OCA2: variants seen among roughly 807,000 people sequenced by gnomAD.
OCA2 encodes OCA2 melanosomal transmembrane protein, also known as P protein.
OCA2 carries 77 observed loss-of-function variants against 100.2 expected under a neutral mutation model. The observed-to-expected ratio is 0.77, with a 90% confidence interval of 0.64 to 0.93. OCA2 has a LOEUF of 0.93. Ranked by LOEUF, OCA2 falls within the 40% of genes least tolerant of loss-of-function variation. The pLI, the probability that OCA2 is intolerant of heterozygous loss-of-function variation, is 0.00. For missense variants in OCA2, 1,062 were observed against 1,089.1 expected (o/e 0.98, Z 0.35); for synonymous variants, 432 against 439.2 (o/e 0.98, Z 0.21).
At chr15:28,002,277 C>T (rs955822886) in intron 9 of OCA2, among the ~76,000 whole-genome samples, 3 of 152,144 alleles carry the variant, frequency 2.0e-5, no homozygotes, top group African/African-American at 4.8e-5. Flanking sequence ...TGAGCTGAGG[C>T]TGGAACAGAG....
rs947918812 is a variant in OCA2 at position 27,965,558 on chromosome 15, C to T, written c.1636+1132G>A. 3.9e-5 allele frequency among the ~76,000 whole-genome samples: 6 copies of T among 152,292 alleles called. No homozygotes were observed. In the East Asian group the frequency reaches 7.7e-4, roughly 20 times the overall value. Reference sequence around the variant, plus strand: ...GAACTGGAGTATGGCAGGACCATGTCGTGGCCTCCAGCCACCCATGTGGAA... The same window carrying T: ...GAACTGGAGTATGGCAGGACCATGTTGTGGCCTCCAGCCACCCATGTGGAA... On this transcript the variant is annotated intron_variant, in intron 15 of 23. Transcript: ENST00000354638.
chr15:27,936,235 G>A (rs960157631), intron 18 of OCA2, among the ~76,000 whole-genome samples: 1 of 151,674 alleles, frequency 6.6e-6, no homozygotes. Flanking sequence ...CTTCCTTGTG[G>A]GGAGCACCCA....
intron 9 of OCA2, among the ~76,000 whole-genome samples, chr15:28,012,385 A>C (rs1252481998): frequency 1.3e-5 from 2 of 152,044 alleles, no homozygotes; most frequent in African/African-American, 4.8e-5. Context: ...GATGGGCTGC[A>C]TGGGGAGGCA....
intron 17 of OCA2, among the ~76,000 whole-genome samples, chr15:27,952,762 T>G (rs1304739830): frequency 1.3e-5 from 2 of 152,098 alleles, no homozygotes; most frequent in East Asian, 3.9e-4. Flanking sequence ...CAACGCAACC[T>G]CCGCCTCCCA....
chr15:27,907,751 C>T (rs1159397603), intron 19 of OCA2, among the ~76,000 whole-genome samples: 1 of 152,132 alleles, frequency 6.6e-6, no homozygotes, highest in African/African-American at 2.4e-5. Context: ...AAATTTTAAA[C>T]CCTAGGTGAA....
At chr15:27,755,966 G>A (rs1240854602) in intron 23 of OCA2, among the ~76,000 whole-genome samples, 1 of 152,192 alleles carries the variant, frequency 6.6e-6, no homozygotes, top group Non-Finnish European at 1.5e-5. Context: ...AAAGGCAAAG[G>A]GAAGAAGAAG....
chr15:27,844,647 T>C (rs767654992), intron 23 of OCA2, among the ~76,000 whole-genome samples: 1 of 152,160 alleles, frequency 6.6e-6, no homozygotes, highest in African/African-American at 2.4e-5. Flanking sequence ...TACAGGTACA[T>C]GCTGCCATGC....
At chr15:27,826,351 C>A (rs2034721393) in intron 23 of OCA2, among the ~76,000 whole-genome samples, 1 of 149,742 alleles carries the variant, frequency 6.7e-6, no homozygotes, top group African/African-American at 2.4e-5. Flanking sequence ...AAGGAACTTC[C>A]CACACACACA....
the OCA2 span, among the ~76,000 whole-genome samples, chr15:27,739,634 C>T: frequency 2.0e-5 from 3 of 151,784 alleles, no homozygotes; most frequent in Non-Finnish European, 2.9e-5. Context: ...TTAGTAGAGA[C>T]GGGGTTTCAC....
At chr15:27,784,541 T>C (rs1281029677) in intron 23 of OCA2, among the ~76,000 whole-genome samples, 1 of 152,194 alleles carries the variant, frequency 6.6e-6, no homozygotes, top group African/African-American at 2.4e-5. Context: ...TATGACACTT[T>C]CAGATCAGAA....
the OCA2 span, among the ~76,000 whole-genome samples, chr15:27,720,792 T>TGCACAATAGA: frequency 6.6e-6 from 1 of 152,170 alleles, no homozygotes; most frequent in Non-Finnish European, 1.5e-5. Flanking sequence ...TACATGAGTT[T>TGCACAATAGA]ATTATACAGC....
chr15:27,814,941 T>G (rs57950971), intron 23 of OCA2, among the ~76,000 whole-genome samples: 5 of 85,572 alleles, frequency 5.8e-5, no homozygotes, highest in East Asian at 2.8e-4. Flanking sequence ...GATAGATAGA[T>G]AGATACAGAG....
In OCA2 at chr15:27,927,233, G is replaced by A. The variant is rs1402797015; in HGVS notation, c.1952-979C>T. On this transcript the variant is annotated intron_variant, in intron 18 of 23. Coordinates refer to ENST00000354638, the MANE Select transcript of OCA2 (RefSeq NM_000275.3). Reference sequence around the variant, plus strand: ...GAACCTGGGAGGCAGAGGTTGTGGTGAGCCGAGATCACGCCATTGCACTCC... The same window carrying A: ...GAACCTGGGAGGCAGAGGTTGTGGTAAGCCGAGATCACGCCATTGCACTCC... 3.3e-5 allele frequency among the ~76,000 whole-genome samples: 5 copies of A among 152,166 alleles called. No homozygotes were observed. The East Asian group carries it at 9.7e-4, about 29-fold the overall frequency.
chr15:28,096,327 T>C (rs993290492), intron 1 of OCA2, among the ~76,000 whole-genome samples: 4 of 152,110 alleles, frequency 2.6e-5, no homozygotes, highest in African/African-American at 7.2e-5. Context: ...GGGGCGTGGC[T>C]TTTCGTTGGA....
At chr15:28,042,345 G>A (rs1167839079) in intron 2 of OCA2, among the ~76,000 whole-genome samples, 1 of 151,930 alleles carries the variant, frequency 6.6e-6, no homozygotes, top group Non-Finnish European at 1.5e-5. Flanking sequence ...AATGCCTTCG[G>A]GCCAGGTGCG....
At chr15:27,887,511 G>A (rs2037274754) in intron 19 of OCA2, among the ~76,000 whole-genome samples, 1 of 151,394 alleles carries the variant, frequency 6.6e-6, no homozygotes, top group South Asian at 2.1e-4. Flanking sequence ...AACCTGAGGA[G>A]GGACCCCACT....
intron 9 of OCA2, 85 bp downstream of exon 9, chr15:28,014,691 C>G: frequency 6.8e-7 from 1 of 1,467,176 alleles, no homozygotes; most frequent in Non-Finnish European, 9.3e-7. Context: ...GGAGTCAGGA[C>G]TGAGCCCATC....
intron 19 of OCA2, among the ~76,000 whole-genome samples, chr15:27,909,744 GA>G (rs924811974): frequency 6.6e-6 from 1 of 151,956 alleles, no homozygotes; most frequent in Non-Finnish European, 1.5e-5. Flanking sequence ...CTATATGCAA[GA>G]AAAAAACCCA....
intron 2 of OCA2, among the ~76,000 whole-genome samples, chr15:28,047,515 C>T (rs971528694): frequency 2.6e-5 from 4 of 152,206 alleles, no homozygotes; most frequent in Admixed American, 2.6e-4. Context: ...TCTTCCCCCA[C>T]TTGTTATGTC....
Sources: allele counts gnomAD v4.1 joint callset (sites outside exome capture counted in the v4.1 genomes callset), GRCh38; gene constraint gnomAD v4.1.1; transcripts MANE v1.5; gene names NCBI Gene and HGNC (gene_info 2026-07-23, HGNC 2026-07-21).